Variants in GALNTL6 observed in about 807,000 individuals in gnomAD.
The protein encoded by GALNTL6 is polypeptide N-acetylgalactosaminyltransferase-like 6.
In GALNTL6, 46 loss-of-function variants were observed where a neutral mutation model predicts 73.7. The ratio of observed to expected loss-of-function variants is 0.62; its 90% confidence interval spans 0.49 to 0.80. The LOEUF (loss-of-function observed/expected upper bound fraction) is 0.80. GALNTL6 is among the 30% of genes least tolerant of loss of function. The pLI is 0.00. For missense variants in GALNTL6, 604 were observed against 755.0 expected (o/e 0.80, Z 2.34); for synonymous variants, 259 against 263.7 (o/e 0.98, Z 0.17).
chr4:172,389,855 G>T (rs1459292176), intron 5 of GALNTL6, among the ~76,000 whole-genome samples: 3 of 151,940 alleles, frequency 2.0e-5, no homozygotes, highest in Non-Finnish European at 4.4e-5. Context: ...TAAAACTAAG[G>T]TATTACTAAA....
chr4:172,390,161 A>G (rs1024323261), intron 5 of GALNTL6, among the ~76,000 whole-genome samples: 16 of 152,222 alleles, frequency 1.1e-4, no homozygotes, highest in Admixed American at 2.6e-4. Flanking sequence ...ATAACATAAA[A>G]TATTTTAGGG....
At chr4:171,814,853 T>G in intron 2 of GALNTL6, 135 bp downstream of exon 2, 1 of 814,478 alleles carries the variant, frequency 1.2e-6, no homozygotes, top group Admixed American at 2.8e-5. Context: ...TACAAGACTC[T>G]AGAGACTTTG....
intron 5 of GALNTL6, among the ~76,000 whole-genome samples, chr4:172,630,745 G>A (rs1371399166): frequency 1.3e-5 from 2 of 149,498 alleles, no homozygotes; most frequent in Non-Finnish European, 1.5e-5. Flanking sequence ...TAACGTATAT[G>A]CATTTCCACA....
At chr4:171,964,421 GTA>G (rs1739324444) in intron 2 of GALNTL6, among the ~76,000 whole-genome samples, 1 of 151,870 alleles carries the variant, frequency 6.6e-6, no homozygotes, top group South Asian at 2.1e-4. Context: ...TTCCAGTTAG[GTA>G]TAGACTAACA....
intron 2 of GALNTL6, among the ~76,000 whole-genome samples, chr4:171,817,684 A>G (rs1368348588): frequency 6.6e-6 from 1 of 151,714 alleles, no homozygotes; most frequent in Non-Finnish European, 1.5e-5. Context: ...TTCTGCATTT[A>G]TGTTGCAGAA....
intron 5 of GALNTL6, among the ~76,000 whole-genome samples, chr4:172,607,644 G>A (rs960620982): frequency 1.6e-4 from 24 of 152,158 alleles, no homozygotes; most frequent in African/African-American, 5.5e-4. Flanking sequence ...CTGAATGGTG[G>A]TCCTAAGTTC....
intron 2 of GALNTL6, among the ~76,000 whole-genome samples, chr4:172,103,413 CTA>C (rs1732577695): frequency 6.6e-6 from 1 of 152,090 alleles, no homozygotes; most frequent in Non-Finnish European, 1.5e-5. Context: ...CATAGGTTTA[CTA>C]TGTTTAATGT....
chr4:172,986,092 T>C (rs979685339), intron 10 of GALNTL6, among the ~76,000 whole-genome samples: 2 of 152,218 alleles, frequency 1.3e-5, no homozygotes, highest in Non-Finnish European at 2.9e-5. Context: ...CAAAGGCAGC[T>C]TGGAGGTTAG....
chr4:171,872,319 G>C (rs1421938889), intron 2 of GALNTL6, among the ~76,000 whole-genome samples: 2 of 151,940 alleles, frequency 1.3e-5, no homozygotes, highest in Admixed American at 1.3e-4. Context: ...ATATTAAATT[G>C]ATTTTATATA....
At chr4:172,606,566 CATAT>C (rs1201826663) in intron 5 of GALNTL6, among the ~76,000 whole-genome samples, 1 of 133,720 alleles carries the variant, frequency 7.5e-6, no homozygotes, top group Non-Finnish European at 1.6e-5. Context: ...TATATATATA[CATAT>C]ACATAGTATA....
intron 2 of GALNTL6, among the ~76,000 whole-genome samples, chr4:172,137,457 T>A (rs1466880623): frequency 1.3e-5 from 2 of 152,204 alleles, no homozygotes; most frequent in African/African-American, 4.8e-5. Context: ...AGTTAACAGA[T>A]AAATTGACTG....
intron 5 of GALNTL6, among the ~76,000 whole-genome samples, chr4:172,483,996 A>G (rs1277779403): frequency 6.6e-6 from 1 of 152,206 alleles, no homozygotes; most frequent in African/African-American, 2.4e-5. Flanking sequence ...TGTATTTCGT[A>G]GGATCTTCAC....
intron 2 of GALNTL6, among the ~76,000 whole-genome samples, chr4:171,876,509 T>G (rs1736282421): frequency 6.6e-6 from 1 of 152,120 alleles, no homozygotes; most frequent in South Asian, 2.1e-4. Flanking sequence ...GTTTTAAGAG[T>G]TGAAGTAACG....
At chr4:172,200,899 T>C (rs1735929715) in intron 2 of GALNTL6, among the ~76,000 whole-genome samples, 1 of 152,204 alleles carries the variant, frequency 6.6e-6, no homozygotes, top group South Asian at 2.1e-4. Flanking sequence ...AAATAAACTA[T>C]CACTTTAAAA....
At chr4:171,993,011 T>C (rs1383722629) in intron 2 of GALNTL6, among the ~76,000 whole-genome samples, 1 of 151,344 alleles carries the variant, frequency 6.6e-6, no homozygotes, top group African/African-American at 2.4e-5. Context: ...CTCATTGCAG[T>C]TTCTTTGTGT....
chr4:172,618,976 C>A (rs779420845), intron 5 of GALNTL6, among the ~76,000 whole-genome samples: 29 of 152,146 alleles, frequency 1.9e-4, no homozygotes, highest in Non-Finnish European at 3.7e-4. Context: ...CCTGCCTCGG[C>A]CTTCCAAGGT....
chr4:172,628,869 T>C (rs1473266387), intron 5 of GALNTL6, among the ~76,000 whole-genome samples: 1 of 152,122 alleles, frequency 6.6e-6, no homozygotes, highest in Admixed American at 6.6e-5. Flanking sequence ...TTTTGATGAA[T>C]ATTAAAAGAT....
chr4:172,743,720 TATC>T (rs1483609025), intron 5 of GALNTL6, among the ~76,000 whole-genome samples: 1 of 152,146 alleles, frequency 6.6e-6, no homozygotes, highest in Non-Finnish European at 1.5e-5. Context: ...GCAGATGTGC[TATC>T]ATCCTTATGA....
chr4:173,002,661 G>A (rs1397468282), intron 10 of GALNTL6, among the ~76,000 whole-genome samples: 1 of 151,468 alleles, frequency 6.6e-6, no homozygotes. Flanking sequence ...CAGGCGTGGT[G>A]GTGCACACCT....
Sources: gnomAD v4.1 joint callset for allele counts (sites outside exome capture counted in the v4.1 genomes callset) on GRCh38, gnomAD v4.1.1 for gene constraint, MANE v1.5 for transcripts, NCBI Gene and HGNC (gene_info 2026-07-23, HGNC 2026-07-21) for gene names.